FHIT: variants seen among roughly 807,000 people sequenced by gnomAD.
FHIT encodes fragile histidine triad diadenosine triphosphatase, also known as bis(5'-adenosyl)-triphosphatase.
A neutral mutation model predicts 17.9 loss-of-function variants in FHIT; 19 were observed. That is an observed-to-expected ratio of 1.06 (90% CI 0.74 to 1.56). The LOEUF (loss-of-function observed/expected upper bound fraction) is 1.56. Among genes scored for constraint, FHIT ranks in the 40% most tolerant of loss-of-function variants. The probability of loss-of-function intolerance (pLI) is 0.00; values close to 1 mark genes in which losing one functional copy is unlikely to be tolerated. For synonymous variants in FHIT, 81 were observed against 69.7 expected (o/e 1.16, Z -0.81); for missense variants, 248 against 189.2 (o/e 1.31, Z -1.82).
intron 2 of FHIT, among the ~76,000 whole-genome samples, chr3:61,075,985 CATT>C (rs2034959043): frequency 6.6e-6 from 1 of 152,160 alleles, no homozygotes; most frequent in Non-Finnish European, 1.5e-5. Flanking sequence ...GAGCACTTTA[CATT>C]ATTATTCGTT....
At chr3:60,099,803 C>G (rs898732062) in intron 5 of FHIT, among the ~76,000 whole-genome samples, 19 of 152,164 alleles carry the variant, frequency 1.2e-4, no homozygotes, top group Admixed American at 9.2e-4. Flanking sequence ...ACAGCTCCAT[C>G]ATATGTCATA....
rs1408507731 is a variant in FHIT at position 61,031,183 on chromosome 3, G to T, written c.-111+10864C>A. On this transcript the variant is annotated intron_variant, in intron 3 of 9. Coordinates refer to ENST00000492590, the MANE Select transcript of FHIT (RefSeq NM_002012.4). ...CAGATGTAGAAAGATACTATCTGCA[G>T]TGGCAAAATGACTTTGTTTACAAGT... Among the ~76,000 whole-genome samples the T allele has an allele frequency of 2.6e-5, 4 of 152,226 alleles. No individual in the cohort carries two copies. The East Asian group carries it at 7.7e-4, about 29-fold the overall frequency.
chr3:60,520,554 G>C (rs2035319600), intron 5 of FHIT, among the ~76,000 whole-genome samples: 1 of 152,104 alleles, frequency 6.6e-6, no homozygotes, highest in East Asian at 1.9e-4. Context: ...TTTCCAGCAT[G>C]TACAGGCTGA....
chr3:61,243,060 C>CTA (rs1320980730), intron 1 of FHIT, among the ~76,000 whole-genome samples: 1 of 152,156 alleles, frequency 6.6e-6, no homozygotes, highest in Non-Finnish European at 1.5e-5. Context: ...CAAAGTTACA[C>CTA]TATAAACTAA....
intron 2 of FHIT, among the ~76,000 whole-genome samples, chr3:61,190,639 T>C (rs1218574282): frequency 6.6e-6 from 1 of 152,224 alleles, no homozygotes; most frequent in Admixed American, 6.5e-5. Flanking sequence ...TACGTATGTT[T>C]ATTGTGGCAC....
intron 5 of FHIT, among the ~76,000 whole-genome samples, chr3:60,200,582 G>A (rs1346383603): frequency 6.6e-6 from 1 of 151,860 alleles, no homozygotes; most frequent in South Asian, 2.1e-4. Context: ...CCTCTACAGG[G>A]CATCCATGCT....
chr3:60,566,194 G>T (rs757071414), intron 4 of FHIT, among the ~76,000 whole-genome samples: 3 of 152,044 alleles, frequency 2.0e-5, no homozygotes, highest in African/African-American at 7.2e-5. Context: ...GTCAATTTTG[G>T]AATCAGTGCG....
intron 4 of FHIT, among the ~76,000 whole-genome samples, chr3:60,716,403 C>CT (rs1162083619): frequency 2.0e-5 from 3 of 151,822 alleles, no homozygotes; most frequent in Non-Finnish European, 2.9e-5. Context: ...TTTTTTTAAA[C>CT]TTTTTTTTGT....
chr3:60,151,335 ACT>A (rs911317461), intron 5 of FHIT, among the ~76,000 whole-genome samples: 14 of 152,082 alleles, frequency 9.2e-5, no homozygotes, highest in Admixed American at 2.0e-4. Context: ...ACATATCAAG[ACT>A]CTGATCACTT....
intron 4 of FHIT, among the ~76,000 whole-genome samples, chr3:60,760,465 G>A (rs1699608478): frequency 6.6e-6 from 1 of 152,222 alleles, no homozygotes; most frequent in African/African-American, 2.4e-5. Context: ...GGGCAAGTGG[G>A]TGGAGTAGGG....
At chr3:60,348,276 T>C (rs920651494) in intron 5 of FHIT, among the ~76,000 whole-genome samples, 1 of 152,238 alleles carries the variant, frequency 6.6e-6, no homozygotes, top group African/African-American at 2.4e-5. Context: ...TTGTTAATTA[T>C]TGCTGCTTTA....
chr3:60,642,126 G>GTC (rs1216669331), intron 4 of FHIT, among the ~76,000 whole-genome samples: 2 of 151,932 alleles, frequency 1.3e-5, no homozygotes, highest in Non-Finnish European at 2.9e-5. Flanking sequence ...CCATTGCCTG[G>GTC]TCTCTTTCCA....
intron 5 of FHIT, among the ~76,000 whole-genome samples, chr3:60,148,540 A>G (rs1700331842): frequency 6.6e-6 from 1 of 152,176 alleles, no homozygotes; most frequent in Non-Finnish European, 1.5e-5. Flanking sequence ...ATTTAAAATC[A>G]CAAATATTAG....
chr3:59,750,350 C>A (rs1421816323), intron 9 of FHIT: 1 of 224,952 alleles, frequency 4.4e-6, no homozygotes. Flanking sequence ...AAAAATTCAA[C>A]CTAGGCAGTC....
rs1413018836 is a variant in FHIT at position 59,880,030 on chromosome 3, A to T, written c.348+42316T>A. On this transcript the variant is annotated intron_variant, in intron 8 of 9. Coordinates refer to ENST00000492590, the MANE Select transcript of FHIT (RefSeq NM_002012.4). ...AGGAGGTAATCAAAGACAGAACACA[A>T]GATAGAAAACTTCTGCAAGAAGATC... Among the ~76,000 whole-genome samples, 3 of 152,140 alleles carry T rather than the reference A, an allele frequency of 2.0e-5. No homozygotes were observed. The East Asian group carries it at 5.8e-4, about 29-fold the overall frequency.
chr3:61,207,247 T>C (rs1274934569), intron 1 of FHIT, among the ~76,000 whole-genome samples: 4 of 152,070 alleles, frequency 2.6e-5, no homozygotes, highest in Non-Finnish European at 4.4e-5. Flanking sequence ...GTTTCTGCAT[T>C]GATGTTCATC....
intron 1 of FHIT, among the ~76,000 whole-genome samples, chr3:61,208,141 A>G (rs2039317165): frequency 6.6e-6 from 1 of 152,050 alleles, no homozygotes; most frequent in Admixed American, 6.6e-5. Flanking sequence ...GAGTTTCTTA[A>G]TCCTGAGTTC....
Position 60,820,985 on chromosome 3 carries a change from G to T in FHIT, c.-18+934C>A, listed in dbSNP as rs1018251196. Among the ~76,000 whole-genome samples the T allele has an allele frequency of 1.5e-4, 10 of 66,760 alleles. No homozygotes were observed. The East Asian group carries it at 3.1e-3, about 21-fold the overall frequency. 43.8% of individuals were successfully genotyped at this position (66,760 alleles called of 152,430 possible). Reference sequence around the variant, plus strand: ...TTCTTGCTATTATTATTATTATTATGGGGTTTTTTTGGCAGGGTCTCACTC... The same window carrying T: ...TTCTTGCTATTATTATTATTATTATTGGGTTTTTTTGGCAGGGTCTCACTC... On this transcript the variant is annotated intron_variant, in intron 4 of 9. Coordinates refer to ENST00000492590, the MANE Select transcript of FHIT (RefSeq NM_002012.4).
chr3:60,329,471 A>T (rs1305328772), intron 5 of FHIT, among the ~76,000 whole-genome samples: 1 of 152,204 alleles, frequency 6.6e-6, no homozygotes, highest in Non-Finnish European at 1.5e-5. Context: ...GCAACTACTA[A>T]TCATAACAGT....
Sources: gnomAD v4.1 joint callset for allele counts (sites outside exome capture counted in the v4.1 genomes callset) on GRCh38, gnomAD v4.1.1 for gene constraint, MANE v1.5 for transcripts, NCBI Gene and HGNC (gene_info 2026-07-23, HGNC 2026-07-21) for gene names.